Variants in SCHIP1 observed in about 807,000 individuals in gnomAD.
The protein encoded by SCHIP1 is schwannomin interacting protein 1.
In SCHIP1, 8 loss-of-function variants were observed where a neutral mutation model predicts 29.7. That is an observed-to-expected ratio of 0.27 (90% CI 0.16 to 0.49). The LOEUF (loss-of-function observed/expected upper bound fraction) is 0.49. Ranked by LOEUF, SCHIP1 falls within the 20% of genes least tolerant of loss-of-function variation. The pLI is 0.99. For missense variants in SCHIP1, 193 were observed against 294.6 expected, an observed-to-expected ratio of 0.66 and a Z score of 2.52; for synonymous variants, 76 against 94.9, an observed-to-expected ratio of 0.80 and a Z score of 1.16.
chr3:159,726,947 C>A, the SCHIP1 span, among the ~76,000 whole-genome samples: 1 of 152,062 alleles, frequency 6.6e-6, no homozygotes, highest in Admixed American at 6.5e-5. Flanking sequence ...TTTTATGTAA[C>A]CTGTATAAGT....
At chr3:159,879,807 T>C (rs1167099244) in intron 2 of SCHIP1, among the ~76,000 whole-genome samples, 1 of 152,152 alleles carries the variant, frequency 6.6e-6, no homozygotes, top group Non-Finnish European at 1.5e-5. Flanking sequence ...TATTTATAGC[T>C]CTCTGGAGAT....
the SCHIP1 span, among the ~76,000 whole-genome samples, chr3:159,363,296 A>G: frequency 2.0e-5 from 3 of 152,364 alleles, no homozygotes; most frequent in South Asian, 2.1e-4. Flanking sequence ...TGTATGTAAG[A>G]AAATAAAAAA....
chr3:159,601,139 C>T, the SCHIP1 span, among the ~76,000 whole-genome samples: 1 of 152,148 alleles, frequency 6.6e-6, no homozygotes, highest in African/African-American at 2.4e-5. Flanking sequence ...ATTCTTGAGC[C>T]TCCAAGTGTC....
chr3:159,299,956 G>A, the SCHIP1 span, among the ~76,000 whole-genome samples: 9 of 152,046 alleles, frequency 5.9e-5, no homozygotes, highest in African/African-American at 7.2e-5. Flanking sequence ...CCCTCATACT[G>A]CAGAGTAAAG....
chr3:159,690,835 G>C, the SCHIP1 span, among the ~76,000 whole-genome samples: 2 of 152,084 alleles, frequency 1.3e-5, no homozygotes, highest in Non-Finnish European at 2.9e-5. Flanking sequence ...GTTTATTTCT[G>C]CCTTAATTTC....
chr3:159,417,905 T>C, the SCHIP1 span, among the ~76,000 whole-genome samples: 1 of 152,084 alleles, frequency 6.6e-6, no homozygotes, highest in Non-Finnish European at 1.5e-5. Flanking sequence ...CAGAGCTGAG[T>C]GATCCCAGTC....
At chr3:159,333,492 A>C in the SCHIP1 span, among the ~76,000 whole-genome samples, 1 of 149,528 alleles carries the variant, frequency 6.7e-6, no homozygotes, top group Non-Finnish European at 1.5e-5. Flanking sequence ...GCTATTAGCA[A>C]TTTCACACAC....
At chr3:159,396,658 C>T in the SCHIP1 span, among the ~76,000 whole-genome samples, 2 of 152,180 alleles carry the variant, frequency 1.3e-5, no homozygotes, top group East Asian at 1.9e-4. Context: ...CCCAACTCTC[C>T]TCTGGCTTGT....
At chr3:159,807,548 T>A in the SCHIP1 span, among the ~76,000 whole-genome samples, 2 of 152,204 alleles carry the variant, frequency 1.3e-5, no homozygotes, top group Non-Finnish European at 2.9e-5. Flanking sequence ...GTGTTAATTT[T>A]ATCTTCAGTG....
the SCHIP1 span, among the ~76,000 whole-genome samples, chr3:159,567,230 C>T: frequency 1.1e-4 from 17 of 152,180 alleles, no homozygotes; most frequent in East Asian, 2.7e-3. Flanking sequence ...GAAATTTTTA[C>T]ATGTCCTAAA....
chr3:159,825,922 G>C, the SCHIP1 span, among the ~76,000 whole-genome samples: 2 of 152,218 alleles, frequency 1.3e-5, no homozygotes, highest in East Asian at 1.9e-4. Flanking sequence ...AGGGCCCTGA[G>C]ACAGTTGCAG....
chr3:159,432,708 A>C, the SCHIP1 span, among the ~76,000 whole-genome samples: 2 of 152,206 alleles, frequency 1.3e-5, no homozygotes, highest in South Asian at 2.1e-4. Context: ...CTGCATATAC[A>C]TGCCTGGGAA....
chr3:159,896,139 T>C (rs1718042162), intron 6 of SCHIP1, among the ~76,000 whole-genome samples: 1 of 152,260 alleles, frequency 6.6e-6, no homozygotes, highest in African/African-American at 2.4e-5. Context: ...CATTGGCTTT[T>C]GCAGGAGTGA....
the SCHIP1 span, among the ~76,000 whole-genome samples, chr3:159,447,469 G>A: frequency 6.6e-6 from 1 of 152,104 alleles, no homozygotes; most frequent in Non-Finnish European, 1.5e-5. Flanking sequence ...CGAGAGTCTG[G>A]GCTTTCCAAA....
chr3:159,443,426 C>T, the SCHIP1 span, among the ~76,000 whole-genome samples: 2 of 152,210 alleles, frequency 1.3e-5, no homozygotes, highest in South Asian at 4.1e-4. Context: ...TTTCTCAACC[C>T]TGGAAACAGC....
At chr3:159,431,119 G>A in the SCHIP1 span, among the ~76,000 whole-genome samples, 1 of 151,290 alleles carries the variant, frequency 6.6e-6, no homozygotes, top group Non-Finnish European at 1.5e-5. Flanking sequence ...ATTTAATTCA[G>A]CGAGGAAAAA....
the SCHIP1 span, among the ~76,000 whole-genome samples, chr3:159,575,191 C>T: frequency 4.8e-4 from 73 of 152,340 alleles, no homozygotes; most frequent in Middle Eastern, 6.8e-3. Flanking sequence ...TCGTCAATCA[C>T]GCTGCGATCT....
the SCHIP1 span, among the ~76,000 whole-genome samples, chr3:159,471,167 A>G: frequency 2.0e-5 from 3 of 152,162 alleles, no homozygotes; most frequent in African/African-American, 4.8e-5. Context: ...GAACCATTAA[A>G]AGTCCATCCT....
the SCHIP1 span, among the ~76,000 whole-genome samples, chr3:159,776,079 GA>G: frequency 6.6e-6 from 1 of 152,238 alleles, no homozygotes; most frequent in African/African-American, 2.4e-5. Context: ...GAACCTCTAG[GA>G]AACTGGTACA....
Sources: gnomAD v4.1 joint callset for allele counts (sites outside exome capture counted in the v4.1 genomes callset) on GRCh38, gnomAD v4.1.1 for gene constraint, MANE v1.5 for transcripts, NCBI Gene and HGNC (gene_info 2026-07-23, HGNC 2026-07-21) for gene names.